Variants in GPR137 observed in about 807,000 individuals in gnomAD.
The protein encoded by GPR137 is G protein-coupled receptor 137.
Under a neutral mutation model 38.9 loss-of-function variants are expected in GPR137, and 20 were observed. That is an observed-to-expected ratio of 0.51 (90% CI 0.36 to 0.75). The LOEUF (loss-of-function observed/expected upper bound fraction) is 0.75, where lower values mean the gene tolerates loss of function less well. Among genes scored for constraint, GPR137 ranks in the 30% least tolerant of loss-of-function variants. The pLI is 0.00. For missense variants in GPR137, 456 were observed against 526.4 expected (o/e 0.87, Z 1.31); for synonymous variants, 226 against 235.8 (o/e 0.96, Z 0.38).
chr11:64,274,560 C>T (rs1271617291), upstream of GPR137, among the ~76,000 whole-genome samples: 3 of 151,862 alleles, frequency 2.0e-5, no homozygotes, highest in Non-Finnish European at 2.9e-5. Flanking sequence ...TGGTGGCTCA[C>T]GCCTGTAATC....
chr11:64,280,159 C>T (rs560221362), upstream of GPR137, among the ~76,000 whole-genome samples: 25 of 150,678 alleles, frequency 1.7e-4, no homozygotes, highest in Non-Finnish European at 3.0e-4. Flanking sequence ...CTACTAAAAA[C>T]ACACAAAAAA....
chr11:64,271,763 G>A, upstream of GPR137: 1 of 1,405,414 alleles, frequency 7.1e-7, no homozygotes, highest in East Asian at 2.8e-5. Context: ...TCCCCGCGGG[G>A]TAGGAGCTGT....
intron 2 of GPR137, among the ~76,000 whole-genome samples, chr11:64,279,292 G>T (rs921822034): frequency 3.3e-5 from 5 of 152,080 alleles, no homozygotes; most frequent in African/African-American, 1.2e-4. Context: ...CGGCTTCCCA[G>T]GGCTTGCTCC....
rs777331347 is a variant in GPR137, at chr11:64,286,884, A to G, written c.357+3A>G. On this transcript the variant is annotated splice_donor_region_variant and intron_variant, in intron 1 of 6. Transcript: ENST00000438980. ...TTATGAACCTCTACTTTGCCCAGGT[A>G]ACCAACTGTGGTCCCGGGTGGGGGG... is the stretch of plus-strand genomic sequence containing the variant. The G allele has an allele frequency of 6.2e-7, 1 of 1,600,690 alleles. No individual in the cohort carries two copies. Among genetic ancestry groups the G allele is most frequent in the Non-Finnish European group, 8.6e-7 (1 of 1,169,368 alleles).
Position 64,287,804 on chromosome 11 carries a change from G to C in GPR137, c.491G>C (p.Arg164Pro). ...NVLCAVLSHRRRAQPWALLLV... is the reference protein window; with the variant it reads ...NVLCAVLSHRPRAQPWALLLV... Reference sequence around the variant, plus strand: ...CTGTGTGCTGTGCTCTCCCATCGGCGCCGGGCACAGCCCTGGGCCCTGCTG... The same window carrying C: ...CTGTGTGCTGTGCTCTCCCATCGGCCCCGGGCACAGCCCTGGGCCCTGCTG... The change falls in exon 3 of 7, where the codon CGC becomes CCC. Residue 164 changes from arginine (R) to proline (P), a missense_variant. Coordinates refer to ENST00000438980, the MANE Select transcript of GPR137 (RefSeq NM_001170880.2). 6.2e-7 allele frequency: 1 copy of C among 1,607,036 alleles called. No individual in the cohort carries two copies. The highest frequency in any genetic ancestry group is 8.5e-7 in the Non-Finnish European group (1 of 1,179,904).
chr11:64,271,919 G>T, upstream of GPR137: 1 of 797,478 alleles, frequency 1.3e-6, no homozygotes, highest in Non-Finnish European at 1.7e-6. Context: ...TTCCAGGGGC[G>T]CATCACAGCC....
chr11:64,279,919 C>T (rs997300880), upstream of GPR137, among the ~76,000 whole-genome samples: 15 of 152,156 alleles, frequency 9.9e-5, no homozygotes, highest in Admixed American at 9.2e-4. Context: ...CACTGTGGCT[C>T]ATGCCTGTAA....
Position 64,288,083 on chromosome 11 carries a change from G to A in GPR137, c.652G>A (p.Ala218Thr). ...LEAKGTSVCQAAAMGGAMVLL... is the reference protein window; with the variant it reads ...LEAKGTSVCQTAAMGGAMVLL... ...GTGCCAGGGGACCAGTGTGTGCCAG[G>A]CGGCCGCGATGGGTGGCGCCATGGT... The change falls in exon 4 of 7, where the codon GCG becomes ACG. Residue 218 changes from alanine (A) to threonine (T), a missense_variant. Ala to Thr is a moderately conservative substitution (Grantham distance 58). Coordinates refer to ENST00000438980, the MANE Select transcript of GPR137 (RefSeq NM_001170880.2). The surrounding 1 kb of genome is among the most constrained non-coding windows in gnomAD (Gnocchi z 5.5). 1 of 1,611,176 alleles carries A rather than the reference G, an allele frequency of 6.2e-7. No homozygotes were observed. Among genetic ancestry groups the A allele is most frequent in the Non-Finnish European group, 8.5e-7 (1 of 1,179,962 alleles).
upstream of GPR137, chr11:64,275,686 G>A (rs1216540676): frequency 1.3e-5 from 2 of 152,140 alleles, no homozygotes; most frequent in East Asian, 3.9e-4. Flanking sequence ...AACGGCAGCT[G>A]TTCTCCTCCA....
At chr11:64,285,113 G>A, upstream of GPR137, 1 of 1,044,324 alleles carries the variant, frequency 9.6e-7, no homozygotes, top group African/African-American at 1.7e-5. Flanking sequence ...GCCGTCGGAT[G>A]TGATTATTGT....
At chr11:64,285,195 C>A, upstream of GPR137, 5 of 988,250 alleles carry the variant, frequency 5.1e-6, no homozygotes, top group Non-Finnish European at 4.8e-6. Flanking sequence ...TCCTCCCAGG[C>A]GCGGAAGCTT....
intron 2 of GPR137, among the ~76,000 whole-genome samples, chr11:64,278,137 T>TA (rs990579758): frequency 6.6e-6 from 1 of 151,856 alleles, no homozygotes; most frequent in Non-Finnish European, 1.5e-5. Context: ...AAAATTAAAA[T>TA]AAAAAAATTA....
upstream of GPR137, chr11:64,271,691 C>A (rs1249853281): frequency 4.1e-6 from 6 of 1,470,976 alleles, no homozygotes; most frequent in East Asian, 1.1e-4. Flanking sequence ...GGTTGGGGGG[C>A]GCCGAGCGCG....
intron 1 of GPR137, chr11:64,275,822 G>A (rs2033016281): frequency 6.6e-6 from 1 of 151,952 alleles, no homozygotes; most frequent in African/African-American, 2.4e-5. Context: ...ATCAGAACAA[G>A]CAGAAGACAC....
Position 64,288,511 on chromosome 11 carries a change from G to A in GPR137, c.912+43G>A, listed in dbSNP as rs554958973. 2.5e-5 allele frequency: 40 copies of A among 1,612,976 alleles called. No individual in the cohort carries two copies. The highest frequency in any genetic ancestry group is 1.8e-4 in the Admixed American group (11 of 60,014). On this transcript the variant is annotated intron_variant, in intron 5 of 6. Coordinates refer to ENST00000438980, the MANE Select transcript of GPR137 (RefSeq NM_001170880.2). This position sits in a 1 kb window ranked among gnomAD's most constrained non-coding sequence, Gnocchi z 5.5. ...CTTCTGTGGGGCCAGTGGAGGGGGC[G>A]GATGTTGCAAATCCTGGGTTGGAGT...
chr11:64,273,267 G>A (rs1376898653), upstream of GPR137, among the ~76,000 whole-genome samples: 1 of 152,228 alleles, frequency 6.6e-6, no homozygotes, highest in Admixed American at 6.5e-5. Context: ...CAGCCACTCA[G>A]GAGGCTGAAG....
In GPR137 at chr11:64,286,574, C is replaced by T. The variant is rs754420274; in HGVS notation, c.50C>T (p.Ala17Val). The change falls in exon 1 of 7, where the codon GCG (alanine) becomes GTG (valine). Residue 17 changes from alanine (A) to valine (V), a missense_variant. Ala to Val is a moderately conservative substitution (Grantham distance 64, BLOSUM62 0). Transcript: ENST00000438980. ...GTGCCTGCTGCCGGGCTGGTGCCTG[C>T]GCTGCCACCTGCTGTGACCCTGGGG... is the stretch of plus-strand genomic sequence containing the variant. ...GLVPAAGLVP[A>V]LPPAVTLGLT... 5 of 1,613,542 alleles carry T rather than the reference C, an allele frequency of 3.1e-6. No individual in the cohort carries two copies. Among genetic ancestry groups the T allele is most frequent in the South Asian group, 2.2e-5 (2 of 91,058 alleles).
exon 1 of GPR137, chr11:64,270,534 T>C (rs2032428296): frequency 1.3e-6 from 1 of 758,236 alleles, no homozygotes; most frequent in Admixed American, 2.1e-5. Flanking sequence ...ACTGGTTAGA[T>C]CCCAGGAACT....
Position 64,286,190 on chromosome 11 carries a change from A to C in GPR137, c.-335A>C. 1.8e-6 allele frequency: 2 copies of C among 1,094,082 alleles called. No individual in the cohort carries two copies. The highest frequency in any genetic ancestry group is 5.5e-5 in the East Asian group (1 of 18,136). The allele number at this position is 1,094,082 out of a possible 1,614,324, so 67.8% of individuals were successfully genotyped here. A position where few individuals can be genotyped will look rare whatever the true frequency, so the allele number is the denominator to read the frequency against. ...ACGACATGAACGACCGAGGCCAGGG[A>C]GTCCTCTCCTTGGGCCTCTGCATCC... On this transcript the variant is annotated 5_prime_UTR_variant, in exon 1 of 7. Transcript: ENST00000438980.
Sources: gnomAD v4.1 joint callset for allele counts (sites outside exome capture counted in the v4.1 genomes callset) on GRCh38, gnomAD v4.1.1 for gene constraint, Gnocchi (gnomAD v3.1) non-coding constraint, MANE v1.5 for transcripts, NCBI Gene and HGNC (gene_info 2026-07-23, HGNC 2026-07-21) for gene names.